Variants in ST6GALNAC3 observed in about 807,000 individuals in gnomAD.
ST6GALNAC3 encodes the protein alpha-N-acetylgalactosaminide alpha-2,6-sialyltransferase 3.
Under a neutral mutation model 32.7 loss-of-function variants are expected in ST6GALNAC3, and 25 were observed. The observed-to-expected ratio is 0.76, with a 90% CI of 0.56 to 1.07. The LOEUF (loss-of-function observed/expected upper bound fraction) is 1.07. Ranked by LOEUF, ST6GALNAC3 falls within the 50% of genes least tolerant of loss-of-function variation. ST6GALNAC3 has a pLI of 0.00. For synonymous variants in ST6GALNAC3, 129 were observed against 133.1 expected (o/e 0.97, Z 0.21); for missense variants, 355 against 382.4 (o/e 0.93, Z 0.60).
chr1:76,456,731 C>A (rs997194003), intron 3 of ST6GALNAC3, among the ~76,000 whole-genome samples: 1 of 152,114 alleles, frequency 6.6e-6, no homozygotes, highest in Non-Finnish European at 1.5e-5. Context: ...CTGTGACAAA[C>A]CCACAGCCAA....
chr1:76,310,492 G>A (rs568603371), intron 1 of ST6GALNAC3, among the ~76,000 whole-genome samples: 1 of 152,226 alleles, frequency 6.6e-6, no homozygotes, highest in African/African-American at 2.4e-5. Context: ...GGAGGGCTGG[G>A]GCTTTTCCAA....
intron 3 of ST6GALNAC3, among the ~76,000 whole-genome samples, chr1:76,594,338 A>C (rs2100598310): frequency 6.6e-6 from 1 of 152,280 alleles, no homozygotes; most frequent in East Asian, 1.9e-4. Flanking sequence ...GAAAAGAAGA[A>C]TACACCTCAT....
intron 1 of ST6GALNAC3, among the ~76,000 whole-genome samples, chr1:76,090,955 G>C (rs1647036295): frequency 6.6e-6 from 1 of 152,124 alleles, no homozygotes. Context: ...CATTGCCACT[G>C]GTCATTGCCC....
intron 1 of ST6GALNAC3, among the ~76,000 whole-genome samples, chr1:76,085,241 G>T (rs1416674210): frequency 6.6e-6 from 1 of 152,210 alleles, no homozygotes; most frequent in African/African-American, 2.4e-5. Flanking sequence ...GCAGATTTGA[G>T]AAGTTGAGAT....
rs533550617 is a variant in ST6GALNAC3, at chr1:76,336,995, G to A, written c.213+22996G>A. Among the ~76,000 whole-genome samples, 6 of 152,342 alleles carry A rather than the reference G, an allele frequency of 3.9e-5. No individual in the cohort carries two copies. The South Asian group carries it at 1.2e-3, about 32-fold the overall frequency. On this transcript the variant is annotated intron_variant, in intron 2 of 4. Coordinates refer to ENST00000328299, the MANE Select transcript of ST6GALNAC3 (RefSeq NM_152996.4). ...AGATGACATATTGCGCTGCCAGAGT[G>A]GAGACAAGCGGGGCTGACTTCACAG...
At chr1:76,216,980 G>C (rs945613400) in intron 1 of ST6GALNAC3, among the ~76,000 whole-genome samples, 2 of 152,144 alleles carry the variant, frequency 1.3e-5, no homozygotes, top group African/African-American at 4.8e-5. Context: ...TAAACAGTCA[G>C]CCTTGGACAT....
At chr1:76,486,089 C>T (rs1660091459) in intron 3 of ST6GALNAC3, among the ~76,000 whole-genome samples, 1 of 152,098 alleles carries the variant, frequency 6.6e-6, no homozygotes, top group South Asian at 2.1e-4. Flanking sequence ...ATCTGAGAGA[C>T]AGTTTGTTAT....
At chr1:76,335,227 T>C (rs1389651433) in intron 2 of ST6GALNAC3, among the ~76,000 whole-genome samples, 1 of 152,208 alleles carries the variant, frequency 6.6e-6, no homozygotes, top group Non-Finnish European at 1.5e-5. Context: ...AGCTCCTTCA[T>C]ACCTGGCGGG....
chr1:76,245,028 C>A (rs575088886), intron 1 of ST6GALNAC3, among the ~76,000 whole-genome samples: 1 of 152,190 alleles, frequency 6.6e-6, no homozygotes, highest in Middle Eastern at 3.4e-3. Context: ...CTCTTTGTAC[C>A]TCTGATAGAA....
chr1:76,542,652 A>G (rs1023775328), intron 3 of ST6GALNAC3, among the ~76,000 whole-genome samples: 2 of 152,156 alleles, frequency 1.3e-5, no homozygotes, highest in Non-Finnish European at 2.9e-5. Context: ...TCATTTCCCT[A>G]AGGACCAAAT....
chr1:76,124,463 C>A (rs957665197), intron 1 of ST6GALNAC3, among the ~76,000 whole-genome samples: 2 of 152,274 alleles, frequency 1.3e-5, no homozygotes, highest in East Asian at 3.9e-4. Context: ...TGACCTTGCG[C>A]AATGTAGTCT....
At chr1:76,485,171 G>T (rs1196103829) in intron 3 of ST6GALNAC3, among the ~76,000 whole-genome samples, 2 of 152,164 alleles carry the variant, frequency 1.3e-5, no homozygotes, top group Admixed American at 6.5e-5. Context: ...AGGGATATTG[G>T]TCTAAAATTC....
In ST6GALNAC3 at chr1:76,236,101, T is replaced by C. The variant is rs970783254; in HGVS notation, c.19-77704T>C. Reference sequence around the variant, plus strand: ...AGCGACTCTCTTGCCTCAGCCACCATGCCTGGCTAATTTTTTGCGTATTTT... The same window carrying C: ...AGCGACTCTCTTGCCTCAGCCACCACGCCTGGCTAATTTTTTGCGTATTTT... On this transcript the variant is annotated intron_variant, in intron 1 of 4. Coordinates refer to ENST00000328299, the MANE Select transcript of ST6GALNAC3 (RefSeq NM_152996.4). Among the ~76,000 whole-genome samples the C allele has an allele frequency of 9.2e-5, 14 of 152,034 alleles. No homozygotes were observed. The South Asian group carries it at 1.0e-3, about 11-fold the overall frequency.
intron 1 of ST6GALNAC3, among the ~76,000 whole-genome samples, chr1:76,189,310 C>A (rs1222820556): frequency 1.3e-5 from 2 of 152,122 alleles, no homozygotes; most frequent in Non-Finnish European, 2.9e-5. Context: ...CTATGGTTAC[C>A]ACCACCACCC....
intron 1 of ST6GALNAC3, among the ~76,000 whole-genome samples, chr1:76,163,219 A>T (rs1312061807): frequency 2.0e-5 from 3 of 152,212 alleles, no homozygotes; most frequent in Non-Finnish European, 4.4e-5. Flanking sequence ...ATATGATTTT[A>T]AAAGTTGTTC....
At chr1:76,571,347 A>G (rs1361869209) in intron 3 of ST6GALNAC3, among the ~76,000 whole-genome samples, 2 of 152,110 alleles carry the variant, frequency 1.3e-5, no homozygotes, top group African/African-American at 4.8e-5. Context: ...CTCTTGGACC[A>G]AAAAATGTGA....
At chr1:76,206,662 G>A (rs1266965144) in intron 1 of ST6GALNAC3, among the ~76,000 whole-genome samples, 1 of 152,038 alleles carries the variant, frequency 6.6e-6, no homozygotes, top group Non-Finnish European at 1.5e-5. Context: ...GAACCCGGGA[G>A]GTGGAGTTTG....
chr1:76,332,823 G>C (rs1328989241), intron 2 of ST6GALNAC3, among the ~76,000 whole-genome samples: 1 of 152,038 alleles, frequency 6.6e-6, no homozygotes, highest in Non-Finnish European at 1.5e-5. Context: ...ATACATTTCT[G>C]AATTTTCAAG....
At chr1:76,528,273 C>T (rs993978808) in intron 3 of ST6GALNAC3, among the ~76,000 whole-genome samples, 1 of 152,130 alleles carries the variant, frequency 6.6e-6, no homozygotes, top group East Asian at 1.9e-4. Flanking sequence ...AATCCTGTAA[C>T]AATTCTATGA....
Sources: allele counts gnomAD v4.1 joint callset (sites outside exome capture counted in the v4.1 genomes callset), GRCh38; gene constraint gnomAD v4.1.1; transcripts MANE v1.5; gene names NCBI Gene and HGNC (gene_info 2026-07-23, HGNC 2026-07-21).